Variants in NKAIN2 observed in about 807,000 individuals in gnomAD.
NKAIN2 encodes the protein sodium/potassium-transporting ATPase subunit beta-1-interacting protein 2.
A neutral mutation model predicts 32.6 loss-of-function variants in NKAIN2; 14 were observed. That is an observed-to-expected ratio of 0.43 (90% confidence interval 0.28 to 0.67). The LOEUF (loss-of-function observed/expected upper bound fraction) is 0.67, where lower values mean the gene tolerates loss of function less well. Among genes scored for constraint, NKAIN2 ranks in the 30% least tolerant of loss-of-function variants. NKAIN2 has a pLI of 0.17. For synonymous variants in NKAIN2, 80 were observed against 87.2 expected (o/e 0.92, Z 0.46); for missense variants, 198 against 258.3 (o/e 0.77, Z 1.60).
intron 1 of NKAIN2, among the ~76,000 whole-genome samples, chr6:124,264,405 A>G (rs949250841): frequency 2.0e-5 from 3 of 152,162 alleles, no homozygotes; most frequent in Non-Finnish European, 4.4e-5. Context: ...TGGCAAATAT[A>G]TATTAAACTT....
At chr6:124,653,385 T>C (rs1238827169) in intron 3 of NKAIN2, among the ~76,000 whole-genome samples, 18 of 135,790 alleles carry the variant, frequency 1.3e-4, no homozygotes. Context: ...GGAAAGGCAA[T>C]GCAAAGGGGA....
intron 1 of NKAIN2, among the ~76,000 whole-genome samples, chr6:123,922,899 C>T (rs2114496131): frequency 6.6e-6 from 1 of 152,262 alleles, no homozygotes; most frequent in East Asian, 1.9e-4. Context: ...CATTAGAACT[C>T]ACGCAGGTTA....
intron 2 of NKAIN2, among the ~76,000 whole-genome samples, chr6:124,345,442 T>C (rs991178687): frequency 3.9e-5 from 6 of 152,128 alleles, no homozygotes; most frequent in African/African-American, 1.2e-4. Flanking sequence ...TGGTAGAATT[T>C]GGCTGTGAAT....
intron 1 of NKAIN2, among the ~76,000 whole-genome samples, chr6:123,915,930 A>G (rs1157380262): frequency 3.3e-5 from 5 of 152,032 alleles, no homozygotes; most frequent in Non-Finnish European, 7.4e-5. Context: ...CAGAACCCAT[A>G]TTTTCTGCAT....
At chr6:124,014,816 T>C (rs1349888712) in intron 1 of NKAIN2, among the ~76,000 whole-genome samples, 1 of 152,196 alleles carries the variant, frequency 6.6e-6, no homozygotes, top group African/African-American at 2.4e-5. Flanking sequence ...TAACAAGCTA[T>C]CATCAATATT....
intron 4 of NKAIN2, among the ~76,000 whole-genome samples, chr6:124,742,657 G>A (rs1583775410): frequency 6.6e-6 from 1 of 151,622 alleles, no homozygotes; most frequent in Non-Finnish European, 1.5e-5. Context: ...AATACAAGTC[G>A]ACTGCCTTAA....
intron 1 of NKAIN2, among the ~76,000 whole-genome samples, chr6:124,244,601 C>G (rs1209179584): frequency 6.6e-6 from 1 of 152,012 alleles, no homozygotes; most frequent in Non-Finnish European, 1.5e-5. Flanking sequence ...CATTACTCAA[C>G]TTTCCAAAAT....
chr6:124,738,662 G>C (rs975993476), intron 4 of NKAIN2, among the ~76,000 whole-genome samples: 1 of 151,782 alleles, frequency 6.6e-6, no homozygotes, highest in African/African-American at 2.4e-5. Context: ...TAATATGCAT[G>C]TAACCTCTTT....
intron 1 of NKAIN2, among the ~76,000 whole-genome samples, chr6:123,930,775 T>C (rs1005448849): frequency 6.6e-6 from 1 of 151,958 alleles, no homozygotes; most frequent in African/African-American, 2.4e-5. Context: ...AGATACAGAG[T>C]AAGTGTAAGA....
At chr6:124,712,782 G>T (rs1583701403) in intron 4 of NKAIN2, among the ~76,000 whole-genome samples, 1 of 151,948 alleles carries the variant, frequency 6.6e-6, no homozygotes, top group African/African-American at 2.4e-5. Context: ...CTCATGCTGG[G>T]AGCTGTAGAC....
At chr6:124,075,476 A>G (rs1162567833) in intron 1 of NKAIN2, among the ~76,000 whole-genome samples, 1 of 152,208 alleles carries the variant, frequency 6.6e-6, no homozygotes, top group Non-Finnish European at 1.5e-5. Context: ...CTTTGTTGTC[A>G]TTATTTTAAA....
intron 1 of NKAIN2, among the ~76,000 whole-genome samples, chr6:124,088,591 C>A (rs1233808718): frequency 6.6e-6 from 1 of 151,996 alleles, no homozygotes; most frequent in Non-Finnish European, 1.5e-5. Context: ...ACAGTAATCT[C>A]TAGTACTGTT....
intron 1 of NKAIN2, among the ~76,000 whole-genome samples, chr6:123,866,725 C>T (rs7744144): frequency 0.34 from 51,539 of 152,040 alleles, 9,217 homozygotes; most frequent in Non-Finnish European, 0.39. Flanking sequence ...CCACCGCGCC[C>T]GGCCCACAGT....
In NKAIN2 at chr6:124,577,533, T is replaced by C. The variant is rs1781377037; in HGVS notation, c.274-80653T>C. ...TAGACCAGCCCTCACCAGAAAGAAA[T>C]TGCCCTTCCCAGACGTCAGAACCTG... On this transcript the variant is annotated intron_variant, in intron 3 of 6. Coordinates refer to ENST00000368417, the MANE Select transcript of NKAIN2 (RefSeq NM_001040214.3). 2.0e-5 allele frequency among the ~76,000 whole-genome samples: 3 copies of C among 152,074 alleles called. No individual in the cohort carries two copies. In the South Asian group the frequency reaches 6.2e-4, roughly 32 times the overall value.
At chr6:123,996,894 C>G (rs929949798) in intron 1 of NKAIN2, among the ~76,000 whole-genome samples, 6 of 152,014 alleles carry the variant, frequency 3.9e-5, no homozygotes, top group African/African-American at 1.2e-4. Context: ...TGGTAAAATG[C>G]AATTGAACAT....
At chr6:124,395,542 G>C (rs1380851540) in intron 3 of NKAIN2, among the ~76,000 whole-genome samples, 1 of 152,082 alleles carries the variant, frequency 6.6e-6, no homozygotes, top group African/African-American at 2.4e-5. Context: ...ATAAAATTGA[G>C]ATACTCATGG....
intron 1 of NKAIN2, among the ~76,000 whole-genome samples, chr6:124,259,567 T>A (rs1794125183): frequency 6.6e-6 from 1 of 152,202 alleles, no homozygotes; most frequent in Non-Finnish European, 1.5e-5. Flanking sequence ...AATAGGTTAG[T>A]ATTCAGTAAG....
chr6:124,372,446 T>C (rs536569104), intron 3 of NKAIN2, among the ~76,000 whole-genome samples: 5 of 152,146 alleles, frequency 3.3e-5, no homozygotes, highest in Non-Finnish European at 5.9e-5. Context: ...CCTTCCCAGA[T>C]AGAGAAAAGC....
intron 1 of NKAIN2, among the ~76,000 whole-genome samples, chr6:123,920,026 G>A (rs1775677102): frequency 6.6e-6 from 1 of 151,970 alleles, no homozygotes; most frequent in African/African-American, 2.4e-5. Context: ...AGAGTAGAAG[G>A]CCCTTTGTAT....
Sources: allele counts gnomAD v4.1 joint callset (sites outside exome capture counted in the v4.1 genomes callset), GRCh38; gene constraint gnomAD v4.1.1; transcripts MANE v1.5; gene names NCBI Gene and HGNC (gene_info 2026-07-23, HGNC 2026-07-21).